Variants in SDK1 observed in about 807,000 individuals in gnomAD.
SDK1 encodes the protein sidekick cell adhesion molecule 1, also known as protein sidekick-1.
Under a neutral mutation model 245.5 loss-of-function variants are expected in SDK1, and 157 were observed. The observed-to-expected ratio is 0.64, with a 90% CI of 0.56 to 0.73. The LOEUF (loss-of-function observed/expected upper bound fraction) is 0.73, where lower values mean the gene tolerates loss of function less well. SDK1 is among the 30% of genes least tolerant of loss of function. The pLI is 0.00. For synonymous variants in SDK1, 1,647 were observed against 1,278.5 expected (o/e 1.29, Z -6.15); for missense variants, 3,583 against 3,002.3 (o/e 1.19, Z -4.52).
chr7:3,985,313 G>A (rs1258344090), intron 13 of SDK1, among the ~76,000 whole-genome samples: 2 of 152,236 alleles, frequency 1.3e-5, no homozygotes, highest in African/African-American at 4.8e-5. Flanking sequence ...GGCTATATCT[G>A]TCAGATTTAT....
chr7:3,620,186 G>C (rs1051562492), intron 2 of SDK1, among the ~76,000 whole-genome samples: 2 of 152,122 alleles, frequency 1.3e-5, no homozygotes, highest in Non-Finnish European at 2.9e-5. Flanking sequence ...CTGAGGTTGT[G>C]ATACGGTGGT....
chr7:3,334,260 GT>G (rs1294504896), intron 1 of SDK1, among the ~76,000 whole-genome samples: 1 of 152,144 alleles, frequency 6.6e-6, no homozygotes, highest in Non-Finnish European at 1.5e-5. Context: ...AGATTGTTTT[GT>G]AGTCCTTTCA....
intron 28 of SDK1, among the ~76,000 whole-genome samples, chr7:4,132,834 G>A (rs555093570): frequency 2.0e-5 from 3 of 152,334 alleles, no homozygotes; most frequent in Admixed American, 1.3e-4. Context: ...ACAAAAGGCT[G>A]TCTCCAGCAG....
chr7:3,784,386 A>G (rs944919881), intron 4 of SDK1, among the ~76,000 whole-genome samples: 2 of 152,172 alleles, frequency 1.3e-5, no homozygotes, highest in African/African-American at 4.8e-5. Flanking sequence ...AAAATGGATT[A>G]AAGTCTTAAA....
chr7:3,901,408 G>A (rs984252508), intron 5 of SDK1, among the ~76,000 whole-genome samples: 2 of 152,036 alleles, frequency 1.3e-5, no homozygotes, highest in South Asian at 2.1e-4. Context: ...GGATGGTCTC[G>A]ATCTCTTGAC....
intron 28 of SDK1, among the ~76,000 whole-genome samples, chr7:4,137,538 C>T (rs13223924): frequency 0.37 from 56,042 of 152,016 alleles, 10,917 homozygotes; most frequent in Non-Finnish European, 0.43. Flanking sequence ...AGTGCCACCT[C>T]CGTCTTCCAG....
chr7:3,582,709 AG>A (rs1319127398), intron 1 of SDK1, among the ~76,000 whole-genome samples: 7 of 135,910 alleles, frequency 5.2e-5, no homozygotes, highest in Admixed American at 7.7e-5. Flanking sequence ...AAAAAAAAAA[AG>A]GTACCATCAG....
rs111509055 is a variant in SDK1, at chr7:4,119,951, G to A, written c.3823+5677G>A. Reference sequence around the variant, plus strand: ...GTAAAATAAAGCGTTAACATTTTAAGTAAAGATTAAGGTACCATTTCTTAA... The same window carrying A: ...GTAAAATAAAGCGTTAACATTTTAAATAAAGATTAAGGTACCATTTCTTAA... On this transcript the variant is annotated intron_variant, in intron 25 of 44. Coordinates refer to ENST00000404826, the MANE Select transcript of SDK1 (RefSeq NM_152744.4). Among the ~76,000 whole-genome samples the A allele has an allele frequency of 1.4e-4, 21 of 149,166 alleles. 1 individual carries two copies. The highest frequency in any genetic ancestry group is 1.8e-4 in the Non-Finnish European group (12 of 66,770).
chr7:3,445,224 A>C (rs2128589838), intron 1 of SDK1, among the ~76,000 whole-genome samples: 1 of 152,300 alleles, frequency 6.6e-6, no homozygotes, highest in East Asian at 1.9e-4. Context: ...TCACATTTTA[A>C]CACTTGGGTT....
In SDK1 at chr7:4,268,668, T is replaced by C; in HGVS notation, c.*3284T>C. ...ATGGTTTTTATTTCTTACGCATTCT[T>C]GGCACACAGTGTAGCTATCCTCCTG... is the stretch of plus-strand genomic sequence containing the variant. On this transcript the variant is annotated 3_prime_UTR_variant, in exon 45 of 45. Coordinates refer to ENST00000404826, the MANE Select transcript of SDK1 (RefSeq NM_152744.4). The C allele has an allele frequency of 7.3e-7, 1 of 1,367,872 alleles. No individual in the cohort carries two copies. The highest frequency in any genetic ancestry group is 9.8e-7 in the Non-Finnish European group (1 of 1,021,976). 84.7% of individuals were successfully genotyped at this position (1,367,872 alleles called of 1,614,324 possible).
intron 5 of SDK1, among the ~76,000 whole-genome samples, chr7:3,901,002 A>T (rs1007156277): frequency 1.2e-4 from 18 of 152,064 alleles, no homozygotes; most frequent in African/African-American, 4.1e-4. Context: ...CCAATTAAGG[A>T]TTATTTACTG....
At chr7:4,228,447 G>T (rs934771967) in intron 40 of SDK1, among the ~76,000 whole-genome samples, 1 of 152,250 alleles carries the variant, frequency 6.6e-6, no homozygotes, top group Non-Finnish European at 1.5e-5. Context: ...CTCAGCAGGG[G>T]ACTTGATGCC....
chr7:4,071,199 A>G (rs886066251), intron 20 of SDK1, among the ~76,000 whole-genome samples: 1 of 150,342 alleles, frequency 6.7e-6, no homozygotes, highest in Admixed American at 6.6e-5. Context: ...TAATTTTTGT[A>G]TTTTTAGTAG....
At chr7:3,898,348 C>G (rs73294643) in intron 5 of SDK1, among the ~76,000 whole-genome samples, 1 of 152,212 alleles carries the variant, frequency 6.6e-6, no homozygotes, top group Non-Finnish European at 1.5e-5. Context: ...AGACATGGGA[C>G]AAGCCTGCTG....
At chr7:3,513,462 T>G (rs918178078) in intron 1 of SDK1, among the ~76,000 whole-genome samples, 9 of 152,018 alleles carry the variant, frequency 5.9e-5, no homozygotes, top group African/African-American at 2.2e-4. Context: ...TGGATGATGT[T>G]TTTAAATTTC....
rs781466528 is a variant in SDK1 at position 4,051,660 on chromosome 7, C to T, written c.2741C>T (p.Ala914Val). Residue 914 changes from alanine (A) to valine (V), a missense_variant, in exon 19 of 45, where the codon GCC becomes GTC. By Grantham distance (64) the Ala-to-Val change is moderately conservative. Coordinates refer to ENST00000404826, the MANE Select transcript of SDK1 (RefSeq NM_152744.4). ...GYKLLAWPAD[A>V]PEAVTVVTIA... ...CAGCTTCTGGCATGGCCGGCAGATGCCCCCGAGGCTGTCACTGTGGTCACT... is the reference window on the plus strand; with the variant it reads ...CAGCTTCTGGCATGGCCGGCAGATGTCCCCGAGGCTGTCACTGTGGTCACT... 1.4e-5 allele frequency: 23 copies of T among 1,611,236 alleles called. No individual in the cohort carries two copies. The highest frequency in any genetic ancestry group is 8.4e-5 in the Admixed American group (5 of 59,556).
chr7:3,697,098 T>C (rs1320712460), intron 4 of SDK1, among the ~76,000 whole-genome samples: 1 of 152,228 alleles, frequency 6.6e-6, no homozygotes, highest in African/African-American at 2.4e-5. Flanking sequence ...TTTCCTTCTC[T>C]CGCCATTTGA....
At chr7:3,334,047 T>C (rs1780136843) in intron 1 of SDK1, among the ~76,000 whole-genome samples, 1 of 152,194 alleles carries the variant, frequency 6.6e-6, no homozygotes, top group African/African-American at 2.4e-5. Flanking sequence ...TCAGTTTCAT[T>C]CTTAACCCAG....
intron 22 of SDK1, among the ~76,000 whole-genome samples, chr7:4,099,188 G>C (rs1782373752): frequency 6.6e-6 from 1 of 152,046 alleles, no homozygotes; most frequent in South Asian, 2.1e-4. Context: ...GAAAGGCTCA[G>C]GGTTAGAAAG....
Sources: allele counts gnomAD v4.1 joint callset (sites outside exome capture counted in the v4.1 genomes callset), GRCh38; gene constraint gnomAD v4.1.1; transcripts MANE v1.5; gene names NCBI Gene and HGNC (gene_info 2026-07-23, HGNC 2026-07-21).